ABCB4: variants seen among roughly 807,000 people sequenced by gnomAD.
ABCB4 encodes phosphatidylcholine translocator ABCB4.
ABCB4 carries 76 observed loss-of-function variants against 145.7 expected under a neutral mutation model. The ratio of observed to expected loss-of-function variants is 0.52; its 90% confidence interval spans 0.43 to 0.63. The LOEUF (loss-of-function observed/expected upper bound fraction) is 0.63, where lower values mean the gene tolerates loss of function less well. Ranked by LOEUF, ABCB4 falls within the 30% of genes least tolerant of loss-of-function variation. ABCB4 has a pLI of 0.00. For missense variants in ABCB4, 1,234 were observed against 1,553.1 expected (o/e 0.79, Z 3.45); for synonymous variants, 517 against 566.8 (o/e 0.91, Z 1.25).
intron 18 of ABCB4, among the ~76,000 whole-genome samples, chr7:87,420,583 C>A (rs936404431): frequency 6.6e-6 from 1 of 152,208 alleles, no homozygotes; most frequent in Non-Finnish European, 1.5e-5. Context: ...AGTGACCAAA[C>A]CTGCCCGTTG....
chr7:87,397,257 A>G (rs77205829), downstream of ABCB4, among the ~76,000 whole-genome samples: 13,507 of 152,070 alleles, frequency 0.089, 651 homozygotes, highest in South Asian at 0.16. Context: ...AACCTGAGGC[A>G]CGAGAATTGC....
chr7:87,427,433 A>T (rs543311363), intron 15 of ABCB4, among the ~76,000 whole-genome samples: 42 of 152,232 alleles, frequency 2.8e-4, no homozygotes, highest in Middle Eastern at 6.8e-3. Flanking sequence ...GAGACCCAAC[A>T]TGCAGGCTCA....
chr7:87,475,715 C>A, upstream of ABCB4: 2 of 437,196 alleles, frequency 4.6e-6, no homozygotes, highest in Non-Finnish European at 8.1e-6. Context: ...TCGCCGCGGC[C>A]TCGCCCCCGC....
intron 16 of ABCB4, among the ~76,000 whole-genome samples, chr7:87,424,913 GA>G (rs1437697080): frequency 6.6e-6 from 1 of 152,070 alleles, no homozygotes; most frequent in Non-Finnish European, 1.5e-5. Flanking sequence ...AGACAGAGGT[GA>G]CTATGGAATC....
chr7:87,412,065 C>A (rs764407509), intron 22 of ABCB4, 32 bp from the exon 23 acceptor site: 1 of 1,612,570 alleles, frequency 6.2e-7, no homozygotes, highest in Non-Finnish European at 8.5e-7. Flanking sequence ...TTGTAACCAT[C>A]TCTTCAGCCT....
rs764071235 is a variant in ABCB4 at position 87,406,517 on chromosome 7, T to C, written c.3280-23A>G. 3.1e-6 allele frequency: 5 copies of C among 1,612,576 alleles called. No individual in the cohort carries two copies. The highest frequency in any genetic ancestry group is 2.2e-5 in the East Asian group (1 of 44,834). On this transcript the variant is annotated intron_variant, in intron 25 of 27. Transcript: ENST00000649586. Reference sequence around the variant, plus strand: ...AAGCTGAAAACCAAAGTCCACAAACTATAAGAAGGGTATAAAAAAGAAAAA... The same window carrying C: ...AAGCTGAAAACCAAAGTCCACAAACCATAAGAAGGGTATAAAAAAGAAAAA...
At chr7:87,455,804 G>A (rs1186828523) in intron 4 of ABCB4, among the ~76,000 whole-genome samples, 7 of 92,920 alleles carry the variant, frequency 7.5e-5, no homozygotes, top group South Asian at 5.5e-4. Context: ...CCCAGGGGTC[G>A]TGTTTTCGTG....
At chr7:87,461,184 T>C (rs1812435196) in intron 4 of ABCB4, among the ~76,000 whole-genome samples, 1 of 152,118 alleles carries the variant, frequency 6.6e-6, no homozygotes, top group Non-Finnish European at 1.5e-5. Context: ...AACTCAAAAC[T>C]TAATTGCCAC....
Position 87,423,828 on chromosome 7 carries a change from C to A in ABCB4, c.2211+78G>T, listed in dbSNP as rs376205668. The A allele has an allele frequency of 4.5e-5, 71 of 1,571,338 alleles. No homozygotes were observed. The East Asian group carries it at 9.9e-4, about 22-fold the overall frequency. ...AAGGCTGCTTAATCCCAGAATGGAG[C>A]CAGTCAGTGAGGTTGGGAGAAGCAG... On this transcript the variant is annotated intron_variant, in intron 17 of 27. Transcript: ENST00000649586.
At chr7:87,440,883 G>A (rs1810936178) in intron 12 of ABCB4, among the ~76,000 whole-genome samples, 1 of 152,084 alleles carries the variant, frequency 6.6e-6, no homozygotes, top group African/African-American at 2.4e-5. Context: ...TGGGACTACA[G>A]GCACCCACCA....
In ABCB4 at chr7:87,447,036, T is replaced by A; in HGVS notation, c.1003A>T (p.Thr335Ser). The A allele has an allele frequency of 6.2e-7, 1 of 1,611,808 alleles. No individual in the cohort carries two copies. The highest frequency in any genetic ancestry group is 8.5e-7 in the Non-Finnish European group (1 of 1,178,014). The change falls in exon 9 of 28, where the codon ACA becomes TCA. Residue 335 changes from threonine (T) to serine (S), a missense_variant and splice_region_variant. Physicochemically the swap from Thr to Ser is moderately conservative, Grantham distance 58 (BLOSUM62 1). Around this residue, in one of 7 missense-constraint regions of ABCB4, gnomAD observed 467 missense variants for 632.8 expected, o/e 0.74. Coordinates refer to ENST00000649586, the MANE Select transcript of ABCB4 (RefSeq NM_000443.4). Reference sequence around the variant, plus strand: ...TAAATGTTAGGAGAACTACTTACTGTCATTGCATTTCCAATAGTATATTCT... The same window carrying A: ...TAAATGTTAGGAGAACTACTTACTGACATTGCATTTCCAATAGTATATTCT... ...SKEYTIGNAMTVFFSILIGAF... is the reference protein window; with the variant it reads ...SKEYTIGNAMSVFFSILIGAF...
intron 24 of ABCB4, among the ~76,000 whole-genome samples, chr7:87,408,734 C>G (rs933433318): frequency 1.2e-4 from 19 of 152,162 alleles, no homozygotes; most frequent in African/African-American, 3.6e-4. Flanking sequence ...GTCCTAGCCT[C>G]TTTACCTACA....
Position 87,440,327 on chromosome 7 carries a change from C to T in ABCB4, c.1432G>A (p.Glu478Lys), listed in dbSNP as rs1810889979. ...LREIIGVVSQ[E>K]PVLFSTTIAE... ...ATTGTGGTGGAAAACAGCACCGGCT[C>T]CTGACTCACCACACCAATGATTTCC... is the stretch of plus-strand genomic sequence containing the variant. The change falls in exon 13 of 28, where the codon GAG (glutamate) becomes AAG (lysine). Residue 478 changes from glutamate (E) to lysine (K), a missense_variant. This residue lies in a region of ABCB4 where 467 missense variants were observed against 632.8 expected (regional missense o/e 0.74). Coordinates refer to ENST00000649586, the MANE Select transcript of ABCB4 (RefSeq NM_000443.4). 6.2e-7 allele frequency: 1 copy of T among 1,614,128 alleles called. No individual in the cohort carries two copies. The highest frequency in any genetic ancestry group is 8.5e-7 in the Non-Finnish European group (1 of 1,180,014).
intron 3 of ABCB4, among the ~76,000 whole-genome samples, chr7:87,465,185 C>A (rs1012866901): frequency 6.6e-6 from 1 of 152,216 alleles, no homozygotes; most frequent in African/African-American, 2.4e-5. Flanking sequence ...CCTAATACTG[C>A]GCTTTTCCAA....
downstream of ABCB4, among the ~76,000 whole-genome samples, chr7:87,401,383 A>G (rs1229388198): frequency 1.3e-5 from 2 of 152,200 alleles, no homozygotes; most frequent in Admixed American, 1.3e-4. Context: ...TGTAGGAAAA[A>G]CGGATTTTCT....
chr7:87,442,214 T>G (rs45539339), intron 12 of ABCB4, among the ~76,000 whole-genome samples: 17,316 of 152,088 alleles, frequency 0.11, 1,299 homozygotes, highest in African/African-American at 0.21. Flanking sequence ...CAGAGTTTAC[T>G]TTAGTAAATG....
At chr7:87,436,120 G>A (rs1305993109) in intron 14 of ABCB4, among the ~76,000 whole-genome samples, 1 of 152,168 alleles carries the variant, frequency 6.6e-6, no homozygotes, top group Non-Finnish European at 1.5e-5. Context: ...TGAGGTTTGG[G>A]AAGAGAATGA....
intron 14 of ABCB4, among the ~76,000 whole-genome samples, chr7:87,438,807 TAC>T (rs1810784722): frequency 6.6e-6 from 1 of 152,142 alleles, no homozygotes; most frequent in African/African-American, 2.4e-5. Context: ...ATTAATTAAC[TAC>T]AGTTTACAGC....
chr7:87,375,707 G>A, the ABCB4 span: 3 of 1,613,598 alleles, frequency 1.9e-6, 1 homozygote, highest in South Asian at 2.2e-5. Context: ...CTAGTGAGGA[G>A]CGAACTCGAT....
Sources: allele counts gnomAD v4.1 joint callset (sites outside exome capture counted in the v4.1 genomes callset), GRCh38; gene constraint gnomAD v4.1.1; regional missense constraint gnomAD v4.1.1; transcripts MANE v1.5; gene names NCBI Gene and HGNC (gene_info 2026-07-23, HGNC 2026-07-21).